Variants in ESYT3 observed in about 807,000 individuals in gnomAD.
ESYT3 encodes the protein extended synaptotagmin 3.
ESYT3 carries 101 observed loss-of-function variants against 111.5 expected under a neutral mutation model. The ratio of observed to expected loss-of-function variants is 0.91; its 90% CI spans 0.77 to 1.07. ESYT3 has a LOEUF of 1.07. Ranked by LOEUF, ESYT3 falls within the 50% of genes least tolerant of loss-of-function variation. The pLI, the probability that ESYT3 is intolerant of heterozygous loss-of-function variation, is 0.00. For synonymous variants in ESYT3, 416 were observed against 446.8 expected (o/e 0.93, Z 0.87); for missense variants, 1,097 against 1,109.4 (o/e 0.99, Z 0.16).
At chr3:138,437,733 A>G (rs945262100) in intron 1 of ESYT3, among the ~76,000 whole-genome samples, 1 of 152,016 alleles carries the variant, frequency 6.6e-6, no homozygotes, top group African/African-American at 2.4e-5. Flanking sequence ...AGATGGTAGT[A>G]ATGAGGGAGG....
In ESYT3 at chr3:138,452,108, C is replaced by T. The variant is rs1292601620; in HGVS notation, c.369+19C>T. 3 of 1,607,034 alleles carry T rather than the reference C, an allele frequency of 1.9e-6. No homozygotes were observed. In the African/African-American group the frequency reaches 4.1e-5, roughly 22 times the overall value. Reference sequence around the variant, plus strand: ...CAACAAGGTAAGGCCGCTGGCAGGGCCTAGCAGGGCCGGACGCATGCCAGC... The same window carrying T: ...CAACAAGGTAAGGCCGCTGGCAGGGTCTAGCAGGGCCGGACGCATGCCAGC... On this transcript the variant is annotated intron_variant, in intron 2 of 22. Transcript: ENST00000389567.
chr3:138,459,259 T>A lies in ESYT3; in HGVS notation c.648+6T>A, dbSNP rs372035292. 1.6e-5 allele frequency: 25 copies of A among 1,545,674 alleles called. No individual in the cohort carries two copies. The highest frequency in any genetic ancestry group is 1.7e-5 in the Non-Finnish European group (19 of 1,138,196). ...CTGGTGTGAACGGGATCCAGGTGGG[T>A]GGAGCCCGGTGGGGCTGCCTCTGTT... On this transcript the variant is annotated splice_donor_region_variant and intron_variant, in intron 5 of 22. Coordinates refer to ENST00000389567, the MANE Select transcript of ESYT3 (RefSeq NM_031913.5).
chr3:138,473,342 T>C, intron 18 of ESYT3, 194 bp from the exon 19 acceptor site: 1 of 636,216 alleles, frequency 1.6e-6, no homozygotes, highest in Non-Finnish European at 2.5e-6. Context: ...TTCCCGTTCT[T>C]CCTACTATGA....
intron 1 of ESYT3, among the ~76,000 whole-genome samples, chr3:138,445,140 C>T (rs1335027516): frequency 2.0e-5 from 3 of 152,232 alleles, no homozygotes; most frequent in Non-Finnish European, 4.4e-5. Context: ...ACACAGAAGT[C>T]TGAGAATCGC....
chr3:138,452,293 G>C (rs1156350714), intron 2 of ESYT3, among the ~76,000 whole-genome samples: 1 of 152,188 alleles, frequency 6.6e-6, no homozygotes, highest in Non-Finnish European at 1.5e-5. Flanking sequence ...GGTCACAGCA[G>C]AAAAATTAGA....
intron 1 of ESYT3, among the ~76,000 whole-genome samples, chr3:138,446,273 A>G (rs2031532143): frequency 6.6e-6 from 1 of 152,208 alleles, no homozygotes; most frequent in South Asian, 2.1e-4. Context: ...TAGGAGGAGT[A>G]GTGGACGAAG....
chr3:138,447,967 A>G (rs2031654249), intron 1 of ESYT3, among the ~76,000 whole-genome samples: 1 of 152,028 alleles, frequency 6.6e-6, no homozygotes, highest in African/African-American at 2.4e-5. Flanking sequence ...AGAAAGAAAA[A>G]GCAAAATGGG....
At chr3:138,469,243 G>A (rs2033095083) in intron 14 of ESYT3, 193 bp from the exon 15 acceptor site, 2 of 605,228 alleles carry the variant, frequency 3.3e-6, no homozygotes, top group Non-Finnish European at 5.8e-6. Context: ...CTGCTTTCTG[G>A]GGTTGGTCCT....
intron 3 of ESYT3, among the ~76,000 whole-genome samples, chr3:138,457,030 C>T (rs2032317721): frequency 6.6e-6 from 1 of 152,186 alleles, no homozygotes; most frequent in African/African-American, 2.4e-5. Flanking sequence ...CCCCTCCTGA[C>T]CATCGTGGGG....
At chr3:138,455,469 C>A in intron 3 of ESYT3, 141 bp downstream of exon 3, 1 of 783,326 alleles carries the variant, frequency 1.3e-6, no homozygotes, top group Non-Finnish European at 2.0e-6. Context: ...ACCCTCCCGC[C>A]ACCACCTGCA....
In ESYT3 at chr3:138,470,152, A is replaced by C; in HGVS notation, c.1590+6A>C. 1 of 1,610,686 alleles carries C rather than the reference A, an allele frequency of 6.2e-7. No individual in the cohort carries two copies. The highest frequency in any genetic ancestry group is 8.5e-7 in the Non-Finnish European group (1 of 1,177,822). ...CTGAGCGGCTCCATCTGAAGGTTTG[A>C]TGGAAGAAGGGCTCTTGAAACAGAG... is the stretch of plus-strand genomic sequence containing the variant. On this transcript the variant is annotated splice_donor_region_variant and intron_variant, in intron 16 of 22. Coordinates refer to ENST00000389567, the MANE Select transcript of ESYT3 (RefSeq NM_031913.5).
chr3:138,457,778 C>T (rs533704498), intron 4 of ESYT3, 134 bp downstream of exon 4: 2 of 807,910 alleles, frequency 2.5e-6, no homozygotes, highest in East Asian at 2.7e-5. Flanking sequence ...CCCCTCCTCC[C>T]AGCTTCTCCC....
At chr3:138,455,472 C>T in intron 3 of ESYT3, 144 bp downstream of exon 3, 1 of 780,242 alleles carries the variant, frequency 1.3e-6, no homozygotes, top group Non-Finnish European at 2.0e-6. Flanking sequence ...CTCCCGCCAC[C>T]ACCTGCATTT....
intron 3 of ESYT3, among the ~76,000 whole-genome samples, chr3:138,455,867 GTCCCTGTTC>G (rs2032246087): frequency 6.6e-6 from 1 of 152,212 alleles, no homozygotes; most frequent in African/African-American, 2.4e-5. Context: ...TAATGTCATG[GTCCCTGTTC>G]TAGACTGGGC....
rs1345522062 is a variant in ESYT3, at chr3:138,467,737, A to C, written c.1218+128A>C. On this transcript the variant is annotated intron_variant, in intron 11 of 22. Transcript: ENST00000389567. The stretch of plus-strand genomic sequence containing the variant: ...CCCCTCTGTGCTAGGCTCCATCCTC[A>C]GGGCAAGAGCTGGGTGAGGCACAGA... The C allele has an allele frequency of 3.5e-6, 3 of 857,922 alleles. No individual in the cohort carries two copies. The Admixed American group carries it at 6.7e-5, about 19-fold the overall frequency. The allele number at this position is 857,922 out of a possible 1,614,324, so 53.1% of individuals were successfully genotyped here.
Position 138,462,100 on chromosome 3 carries a change from G to C in ESYT3, c.809G>C (p.Ser270Thr). The C allele has an allele frequency of 1.9e-6, 3 of 1,614,164 alleles. No individual in the cohort carries two copies. The South Asian group carries it at 3.3e-5, about 18-fold the overall frequency. The change falls in exon 8 of 23, where the codon AGC becomes ACC. Residue 270 changes from serine to threonine, a missense_variant. Ser to Thr is a moderately conservative substitution (Grantham distance 58). Coordinates refer to ENST00000389567, the MANE Select transcript of ESYT3 (RefSeq NM_031913.5). ...DAPGINDVSD[S>T]LLEDLIATHL... The stretch of plus-strand genomic sequence containing the variant: ...CTTGTGTCCAGTGATGTGTCAGACA[G>C]CTTACTGGAGGACCTCATTGCCACC...
chr3:138,474,234 T>G lies in ESYT3; in HGVS notation c.2350T>G (p.Cys784Gly), dbSNP rs752530750. The change falls in exon 20 of 23, where the codon TGT becomes GGT. Residue 784 changes from cysteine (C) to glycine (G), a missense_variant. Transcript: ENST00000389567. ...LINGCRNLTP[C>G]TSSGADPYVR... is the part of the protein sequence containing the mutation. ...ACACCAAATCAGAAACCTAACACCA[T>G]GTACCAGCAGTGGAGCTGATCCCTA... 1.3e-6 allele frequency: 2 copies of G among 1,567,834 alleles called. No individual in the cohort carries two copies. The highest frequency in any genetic ancestry group is 1.7e-5 in the Admixed American group (1 of 58,324).
chr3:138,459,994 C>A lies in ESYT3; in HGVS notation c.698C>A (p.Pro233His), dbSNP rs766409704. The change falls in exon 6 of 23, where the codon CCC (proline) becomes CAC (histidine). Residue 233 changes from proline to histidine, a missense_variant. Physicochemically the swap from Pro to His is moderately conservative, Grantham distance 77 (BLOSUM62 -2). Coordinates refer to ENST00000389567, the MANE Select transcript of ESYT3 (RefSeq NM_031913.5). ...VILEPLLVDK[P>H]FVGAVTVFFL... ...CTGGAGCCCCTCCTAGTGGACAAGC[C>A]CTTTGTGGGAGCCGTGACTGTGTTC... is the stretch of plus-strand genomic sequence containing the variant. 6.2e-7 allele frequency: 1 copy of A among 1,614,128 alleles called. No homozygotes were observed. Among genetic ancestry groups the A allele is most frequent in the East Asian group, 2.2e-5 (1 of 44,856 alleles).
rs145115149 is a variant in ESYT3, at chr3:138,479,802, T to G, written c.*2948T>G. ...GGAGGCACTTAGTTTCTAACTTCCT[T>G]TCTTGTTCACTCTCCCTTACCCCTG... On this transcript the variant is annotated 3_prime_UTR_variant, in exon 23 of 23. Transcript: ENST00000389567. 32 of 152,316 alleles carry G rather than the reference T, an allele frequency of 2.1e-4. No individual in the cohort carries two copies. The highest frequency in any genetic ancestry group is 7.7e-4 in the African/African-American group (32 of 41,560). The allele number at this position is 152,316 out of a possible 1,614,324, so 9.4% of individuals were successfully genotyped here.
Sources: gnomAD v4.1 joint callset for allele counts (sites outside exome capture counted in the v4.1 genomes callset) on GRCh38, gnomAD v4.1.1 for gene constraint, MANE v1.5 for transcripts, NCBI Gene and HGNC (gene_info 2026-07-23, HGNC 2026-07-21) for gene names.